The following FRMPD4 variants were observed in gnomAD, a reference collection of about 807,000 sequenced individuals.
FRMPD4 encodes the protein FERM and PDZ domain-containing protein 4.
In FRMPD4, 22 loss-of-function variants were observed where a neutral mutation model predicts 94.1. The ratio of observed to expected loss-of-function variants is 0.23; its 90% CI spans 0.17 to 0.33. FRMPD4 has a LOEUF of 0.33. Among genes scored for constraint, FRMPD4 ranks in the 10% least tolerant of loss-of-function variants. The pLI, the probability that FRMPD4 is intolerant of heterozygous loss-of-function variation, is 1.00. For missense variants in FRMPD4, 1,111 were observed against 1,339.9 expected, an observed-to-expected ratio of 0.83 and a Z score of 2.67; for synonymous variants, 631 against 548.6, an observed-to-expected ratio of 1.15 and a Z score of -2.10.
chrX:12,541,662 C>G (rs1426680085), intron 2 of FRMPD4, among the ~76,000 whole-genome samples: 1 of 111,837 alleles, frequency 8.9e-6, no homozygotes, highest in Admixed American at 9.4e-5. Context: ...ACCAGAGGTA[C>G]AAGAAGGAGC....
At chrX:12,712,913 G>GA (rs2042012606) in intron 14 of FRMPD4, among the ~76,000 whole-genome samples, 2 of 108,435 alleles carry the variant, frequency 1.8e-5, no homozygotes, top group Non-Finnish European at 3.8e-5. Context: ...CTGTATCCAC[G>GA]AAAAAAATTT....
intron 2 of FRMPD4, among the ~76,000 whole-genome samples, chrX:12,501,073 T>G (rs969316238): frequency 8.9e-6 from 1 of 112,325 alleles, no homozygotes; most frequent in Non-Finnish European, 1.9e-5. Context: ...GCCAACTGGT[T>G]AGAGGTTCTG....
intron 3 of FRMPD4, among the ~76,000 whole-genome samples, chrX:12,022,016 A>G (rs1183109771): frequency 8.9e-6 from 1 of 112,075 alleles, no homozygotes; most frequent in African/African-American, 3.2e-5. Context: ...TCTGGGCCTC[A>G]GTTTCTTCCT....
At chrX:12,487,520 G>A (rs948038591) in intron 1 of FRMPD4, among the ~76,000 whole-genome samples, 2 of 111,890 alleles carry the variant, frequency 1.8e-5, no homozygotes, top group Non-Finnish European at 3.8e-5. Context: ...GAGAAGAGCC[G>A]AGAAGGAGAA....
At chrX:12,344,938 A>G (rs763375848) in intron 1 of FRMPD4, among the ~76,000 whole-genome samples, 1 of 112,397 alleles carries the variant, frequency 8.9e-6, no homozygotes, top group Non-Finnish European at 1.9e-5. Flanking sequence ...AATCGTAATC[A>G]AACTCCTTCA....
At chrX:11,886,574 A>G (rs942128186) in intron 3 of FRMPD4, among the ~76,000 whole-genome samples, 1 of 111,100 alleles carries the variant, frequency 9.0e-6, no homozygotes, top group African/African-American at 3.3e-5. Flanking sequence ...ATTTAACACA[A>G]TTCTCCCAGG....
At chrX:12,052,065 T>C (rs2054821651) in intron 3 of FRMPD4, among the ~76,000 whole-genome samples, 2 of 112,032 alleles carry the variant, frequency 1.8e-5, no homozygotes, top group Admixed American at 1.9e-4. Flanking sequence ...TTTTAAGGTA[T>C]ACCTCAAAGA....
intron 3 of FRMPD4, among the ~76,000 whole-genome samples, chrX:11,916,586 G>A (rs888523387): frequency 3.6e-5 from 4 of 111,076 alleles, no homozygotes; most frequent in African/African-American, 1.3e-4. Flanking sequence ...TCAGGAGAAG[G>A]GTTGGGTATC....
At chrX:11,864,661 C>T (rs187741030) in intron 1 of FRMPD4, among the ~76,000 whole-genome samples, 19 of 111,183 alleles carry the variant, frequency 1.7e-4, no homozygotes, top group African/African-American at 5.5e-4. Flanking sequence ...CCTGTTTATC[C>T]ATCAAGACTT....
Position 12,111,780 on chromosome X carries a change from A to G in FRMPD4, c.95+233762A>G, listed in dbSNP as rs1312447379. ...AGGATATGAACAGACATTTCTCAAA[A>G]GAAGACATTTATGCAGCCAACAGAC... is the stretch of plus-strand genomic sequence containing the variant. On this transcript the variant is annotated intron_variant, in intron 3 of 18. Coordinates refer to the FRMPD4 transcript ENST00000640291. Among the ~76,000 whole-genome samples, 7 of 112,222 alleles carry G rather than the reference A, an allele frequency of 6.2e-5. No homozygotes were observed. In the Admixed American group the frequency reaches 6.6e-4, roughly 11 times the overall value.
chrX:12,264,722 G>T (rs1362641519), intron 1 of FRMPD4, among the ~76,000 whole-genome samples: 1 of 112,160 alleles, frequency 8.9e-6, no homozygotes, highest in Non-Finnish European at 1.9e-5. Context: ...CTTGAAGATT[G>T]CCTACAGCTA....
At chrX:12,701,735 G>A (rs2060192998) in intron 9 of FRMPD4, 139 bp from the exon 10 acceptor site, 1 of 564,696 alleles carries the variant, frequency 1.8e-6, no homozygotes, top group Non-Finnish European at 2.9e-6. Flanking sequence ...GCAGCACGGT[G>A]GAGATGTTTC....
intron 9 of FRMPD4, among the ~76,000 whole-genome samples, chrX:12,696,586 C>CAAAAAAAAAAAAAAAAAAAAAAAAA (rs57877846): frequency 1.0e-4 from 3 of 30,062 alleles, no homozygotes; most frequent in Non-Finnish European, 2.0e-4. Flanking sequence ...AAAAATGAAG[C>CAAAAAAAAAAAAAAAAAAAAAAAAA]AAAAAAAAAA....
chrX:12,515,705 A>G (rs868274037), intron 2 of FRMPD4, among the ~76,000 whole-genome samples: 1 of 112,045 alleles, frequency 8.9e-6, no homozygotes, highest in South Asian at 3.8e-4. Flanking sequence ...TATTAGGTCC[A>G]CTTGATCCAG....
intron 1 of FRMPD4, among the ~76,000 whole-genome samples, chrX:12,309,799 C>G (rs1047236857): frequency 4.4e-5 from 5 of 112,838 alleles, no homozygotes; most frequent in African/African-American, 1.6e-4. Flanking sequence ...CTTGGATCAG[C>G]ATTCAGGCAG....
intron 1 of FRMPD4, among the ~76,000 whole-genome samples, chrX:12,335,628 T>C (rs2055506903): frequency 9.0e-6 from 1 of 111,402 alleles, no homozygotes; most frequent in Non-Finnish European, 1.9e-5. Context: ...CACTATCTAC[T>C]CTCTTTTACA....
chrX:12,231,114 G>A (rs2147777843), intron 1 of FRMPD4, among the ~76,000 whole-genome samples: 1 of 80,979 alleles, frequency 1.2e-5, no homozygotes, highest in South Asian at 6.2e-4. Context: ...CAGTGGTATG[G>A]TCACGGCTCA....
Position 12,716,949 on chromosome X carries a change from C to A in FRMPD4, c.2490C>A (p.Phe830Leu). Residue 830 changes from phenylalanine to leucine, a missense_variant, in exon 15 of 17, where the codon TTC becomes TTA. Physicochemically the swap from Phe to Leu is conservative, Grantham distance 22. Around this residue, in one of 8 missense-constraint regions of FRMPD4, gnomAD observed 74 missense variants for 93.9 expected, o/e 0.79. Transcript: ENST00000675598. ...ACTCTCAGAGCCAGGCAGCTTCCTT[C>A]CCCGAGGACAAGGAGAAAGGCAGCA... ...EEDSQSQAAS[F>L]PEDKEKGSSL... is the part of the protein sequence containing the mutation. The A allele has an allele frequency of 8.3e-7, 1 of 1,210,962 alleles. No individual in the cohort carries two copies. Among genetic ancestry groups the A allele is most frequent in the Non-Finnish European group, 1.1e-6 (1 of 894,549 alleles).
chrX:12,631,852 A>T (rs1164895594), intron 4 of FRMPD4, among the ~76,000 whole-genome samples: 1 of 112,016 alleles, frequency 8.9e-6, no homozygotes, highest in Non-Finnish European at 1.9e-5. Flanking sequence ...TTCATTCATG[A>T]AATGAAGTAT....
Sources: gnomAD v4.1 joint callset for allele counts (sites outside exome capture counted in the v4.1 genomes callset) on GRCh38, gnomAD v4.1.1 for gene constraint, gnomAD v4.1.1 regional missense constraint, MANE v1.5 for transcripts, NCBI Gene and HGNC (gene_info 2026-07-23, HGNC 2026-07-21) for gene names.